DGKI: variants seen among roughly 807,000 people sequenced by gnomAD.
The protein encoded by DGKI is diacylglycerol kinase iota.
DGKI carries 55 observed loss-of-function variants against 147.5 expected under a neutral mutation model. The observed-to-expected ratio is 0.37, with a 90% confidence interval of 0.30 to 0.47. The LOEUF (loss-of-function observed/expected upper bound fraction) is 0.47. Ranked by LOEUF, DGKI falls within the 20% of genes least tolerant of loss-of-function variation. The probability of loss-of-function intolerance (pLI) is 1.00; values close to 1 mark genes in which losing one functional copy is unlikely to be tolerated. For synonymous variants in DGKI, 469 were observed against 477.1 expected (o/e 0.98, Z 0.22); for missense variants, 1,007 against 1,323.8 (o/e 0.76, Z 3.71).
intron 27 of DGKI, among the ~76,000 whole-genome samples, chr7:137,446,470 G>A (rs1030793016): frequency 4.6e-5 from 7 of 152,154 alleles, no homozygotes; most frequent in African/African-American, 1.7e-4. Context: ...CATTATTGCT[G>A]GAAATCGGCA....
At chr7:137,804,088 C>A (rs982022773) in intron 1 of DGKI, among the ~76,000 whole-genome samples, 1 of 152,136 alleles carries the variant, frequency 6.6e-6, no homozygotes, top group African/African-American at 2.4e-5. Flanking sequence ...GCGCTTAGAC[C>A]ATTCTCTCTT....
chr7:137,446,587 A>T (rs188799011), intron 27 of DGKI, among the ~76,000 whole-genome samples: 58 of 152,244 alleles, frequency 3.8e-4, no homozygotes, highest in African/African-American at 1.3e-3. Flanking sequence ...GTAGCTGGGC[A>T]TGGTGGTGGG....
intron 3 of DGKI, among the ~76,000 whole-genome samples, chr7:137,677,465 C>A (rs1255584889): frequency 6.6e-6 from 1 of 152,092 alleles, no homozygotes. Context: ...CCTGTTCTCC[C>A]CAGAACTCTC....
At chr7:137,394,238 C>G (rs1230338048) in intron 32 of DGKI, among the ~76,000 whole-genome samples, 1 of 152,112 alleles carries the variant, frequency 6.6e-6, no homozygotes, top group Non-Finnish European at 1.5e-5. Context: ...GAATGAGGCT[C>G]AATGGAAATT....
chr7:137,719,738 C>A (rs1167266607), intron 1 of DGKI, among the ~76,000 whole-genome samples: 1 of 152,124 alleles, frequency 6.6e-6, no homozygotes, highest in Non-Finnish European at 1.5e-5. Flanking sequence ...TGGAATTTAC[C>A]TTTACTTTGT....
At chr7:137,564,087 T>C (rs946253372) in intron 19 of DGKI, among the ~76,000 whole-genome samples, 3 of 152,088 alleles carry the variant, frequency 2.0e-5, no homozygotes, top group South Asian at 2.1e-4. Flanking sequence ...TGGAACAGAA[T>C]AGAATCTAGA....
intron 6 of DGKI, among the ~76,000 whole-genome samples, chr7:137,627,130 C>T (rs1820969638): frequency 6.6e-6 from 1 of 152,070 alleles, no homozygotes; most frequent in African/African-American, 2.4e-5. Flanking sequence ...CCCAACATAC[C>T]ATCTAGAAAC....
chr7:137,660,238 C>T, intron 3 of DGKI, among the ~76,000 whole-genome samples: 1 of 152,052 alleles, frequency 6.6e-6, no homozygotes, highest in East Asian at 1.9e-4. Flanking sequence ...GAGGGGGGAA[C>T]ATATCCGTTT....
chr7:137,459,548 C>G (rs1178480442), intron 27 of DGKI, among the ~76,000 whole-genome samples: 2 of 143,280 alleles, frequency 1.4e-5, no homozygotes, highest in Admixed American at 1.5e-4. Flanking sequence ...GGTCTTGGCT[C>G]ACTGCAAGCT....
rs71177914 is a variant in DGKI at position 137,596,001 on chromosome 7, C to CAAAAAAAAAAAAAA, written c.1311+1832_1311+1845dup. On this transcript the variant is annotated intron_variant, in intron 12 of 32. Transcript: ENST00000614521. The stretch of plus-strand genomic sequence containing the variant: ...TGGGCAACAGAGTGAGACTCCGTCT[C>CAAAAAAAAAAAAAA]AAAAAAAAAAAAAAAAAAAAAAAAA... 7.7e-4 allele frequency among the ~76,000 whole-genome samples: 34 copies of CAAAAAAAAAAAAAA among 44,410 alleles called. 1 individual carries two copies. The highest frequency in any genetic ancestry group is 0.042 in the Middle Eastern group (1 of 24). 29.1% of individuals were successfully genotyped at this position (44,410 alleles called of 152,430 possible).
At chr7:137,764,576 C>CCGGT (rs967271826) in intron 1 of DGKI, among the ~76,000 whole-genome samples, 4 of 152,180 alleles carry the variant, frequency 2.6e-5, no homozygotes, top group Non-Finnish European at 5.9e-5. Context: ...CAAAGGCAGA[C>CCGGT]CACTCACCAC....
At chr7:137,617,264 T>C (rs1820567112) in intron 8 of DGKI, among the ~76,000 whole-genome samples, 1 of 151,124 alleles carries the variant, frequency 6.6e-6, no homozygotes, top group Admixed American at 6.6e-5. Context: ...AATCAAAATA[T>C]GGGAAATCCT....
At chr7:137,675,610 G>A (rs1050506729) in intron 3 of DGKI, among the ~76,000 whole-genome samples, 1 of 148,524 alleles carries the variant, frequency 6.7e-6, no homozygotes, top group East Asian at 2.0e-4. Context: ...TCTTGAACCC[G>A]GGAGGCGGAG....
intron 1 of DGKI, among the ~76,000 whole-genome samples, chr7:137,733,176 C>T (rs889621226): frequency 2.0e-5 from 3 of 151,992 alleles, no homozygotes; most frequent in African/African-American, 7.2e-5. Flanking sequence ...CCATCTACCA[C>T]CAACCATCTC....
At chr7:137,638,500 ATG>A (rs1370009171) in intron 6 of DGKI, among the ~76,000 whole-genome samples, 4 of 119,354 alleles carry the variant, frequency 3.4e-5, no homozygotes, top group Admixed American at 8.3e-5. Context: ...ACACATATAT[ATG>A]TATATATATG....
At chr7:137,595,582 C>G (rs1407436872) in intron 12 of DGKI, among the ~76,000 whole-genome samples, 2 of 152,122 alleles carry the variant, frequency 1.3e-5, no homozygotes, top group African/African-American at 4.8e-5. Context: ...AGTGTGTGGA[C>G]TTGGCTCTCT....
intron 1 of DGKI, among the ~76,000 whole-genome samples, chr7:137,716,313 A>G (rs1794375394): frequency 6.6e-6 from 1 of 152,214 alleles, no homozygotes. Context: ...AACTGCAAGA[A>G]AGGCCTTTAA....
chr7:137,602,504 A>G (rs1563106688), intron 10 of DGKI, among the ~76,000 whole-genome samples: 1 of 152,190 alleles, frequency 6.6e-6, no homozygotes, highest in Non-Finnish European at 1.5e-5. Flanking sequence ...ATCTTTTAAA[A>G]AGTAATCTTC....
At chr7:137,557,210 G>A (rs184071601) in intron 19 of DGKI, among the ~76,000 whole-genome samples, 3 of 152,238 alleles carry the variant, frequency 2.0e-5, no homozygotes, top group Non-Finnish European at 4.4e-5. Flanking sequence ...TTTCTTTGGA[G>A]AATCTTGACT....
Sources: gnomAD v4.1 joint callset for allele counts (sites outside exome capture counted in the v4.1 genomes callset) on GRCh38, gnomAD v4.1.1 for gene constraint, MANE v1.5 for transcripts, NCBI Gene and HGNC (gene_info 2026-07-23, HGNC 2026-07-21) for gene names.